The following NFIB variants were observed in gnomAD, a reference collection of about 807,000 sequenced individuals.
The protein encoded by NFIB is nuclear factor 1 B-type.
A neutral mutation model predicts 61.5 loss-of-function variants in NFIB; 11 were observed. The ratio of observed to expected loss-of-function variants is 0.18; its 90% CI spans 0.11 to 0.30. NFIB has a LOEUF of 0.30. Ranked by LOEUF, NFIB falls within the 10% of genes least tolerant of loss-of-function variation. The pLI is 1.00. For synonymous variants in NFIB, 260 were observed against 216.5 expected, an observed-to-expected ratio of 1.20 and a Z score of -1.76; for missense variants, 471 against 608.9, an observed-to-expected ratio of 0.77 and a Z score of 2.38.
intron 2 of NFIB, among the ~76,000 whole-genome samples, chr9:14,248,778 G>C (rs759601044): frequency 6.6e-6 from 1 of 152,168 alleles, no homozygotes; most frequent in Non-Finnish European, 1.5e-5. Context: ...GCCCAGGAAC[G>C]TCTGCAGGGA....
At position 14,233,156 on chromosome 9, in the gene NFIB, G is replaced by T. The variant is rs74995431; in HGVS notation, c.563-53376C>A. 8.1e-3 allele frequency among the ~76,000 whole-genome samples: 1,231 copies of T among 152,266 alleles called. 17 individuals carry two copies. Among genetic ancestry groups the T allele is most frequent in the African/African-American group, 0.027 (1,142 of 41,546 alleles). On this transcript the variant is annotated intron_variant, in intron 2 of 10. Coordinates refer to ENST00000380953, the MANE Select transcript of NFIB (RefSeq NM_001190737.2). ...ACTGCTCTTCAAAAGATCTCTTACA[G>T]ACATGTAGTTTAGCCATAAAGATAG...
chr9:14,117,156 G>C (rs2038265906), intron 8 of NFIB, among the ~76,000 whole-genome samples: 2 of 152,188 alleles, frequency 1.3e-5, no homozygotes, highest in African/African-American at 4.8e-5. Context: ...ATTGTTATTT[G>C]AGTTACTCTT....
At chr9:14,262,731 T>C (rs559549351) in intron 2 of NFIB, among the ~76,000 whole-genome samples, 4 of 152,216 alleles carry the variant, frequency 2.6e-5, no homozygotes, top group Non-Finnish European at 5.9e-5. Context: ...AAAGAAAAGA[T>C]GTTCATACGC....
intron 2 of NFIB, among the ~76,000 whole-genome samples, chr9:14,261,520 C>T (rs1414736814): frequency 6.6e-6 from 1 of 151,960 alleles, no homozygotes; most frequent in Non-Finnish European, 1.5e-5. Flanking sequence ...TGAAAATTAA[C>T]TCACAAAAGG....
At chr9:14,484,569 G>C in the NFIB span, among the ~76,000 whole-genome samples, 1 of 152,138 alleles carries the variant, frequency 6.6e-6, no homozygotes, top group East Asian at 1.9e-4. Flanking sequence ...AATAAATATA[G>C]CAATACAAAC....
At chr9:14,428,679 C>T in the NFIB span, among the ~76,000 whole-genome samples, 1 of 152,302 alleles carries the variant, frequency 6.6e-6, no homozygotes, top group South Asian at 2.1e-4. Flanking sequence ...TTTTCTGCCT[C>T]AAAGCCTTTG....
At chr9:14,439,866 T>A in the NFIB span, among the ~76,000 whole-genome samples, 1 of 152,242 alleles carries the variant, frequency 6.6e-6, no homozygotes, top group Non-Finnish European at 1.5e-5. Context: ...TTTGCCCCAG[T>A]TTTGGGTTGG....
Position 14,176,256 on chromosome 9 carries a change from T to TAA in NFIB, c.616+3469_616+3470dup, listed in dbSNP as rs58705977. Among the ~76,000 whole-genome samples, 14 of 131,450 alleles carry TAA rather than the reference T, an allele frequency of 1.1e-4. No individual in the cohort carries two copies. The South Asian group carries it at 1.5e-3, about 14-fold the overall frequency. 86.2% of individuals were successfully genotyped at this position (131,450 alleles called of 152,430 possible). On this transcript the variant is annotated intron_variant, in intron 3 of 10. Coordinates refer to ENST00000380953, the MANE Select transcript of NFIB (RefSeq NM_001190737.2). ...TATTGCTTAGGAGGGATTAACTTGT[T>TAA]AAAAAAAAAAAAAAAAAAACAAAGA...
At chr9:14,287,426 C>CA (rs1329897623) in intron 2 of NFIB, among the ~76,000 whole-genome samples, 57 of 142,338 alleles carry the variant, frequency 4.0e-4, no homozygotes, top group East Asian at 4.2e-4. Context: ...GAGACTCCGT[C>CA]AAAAAAAAAA....
intron 6 of NFIB, among the ~76,000 whole-genome samples, chr9:14,136,704 T>C (rs1329651919): frequency 6.6e-6 from 1 of 152,190 alleles, no homozygotes; most frequent in Non-Finnish European, 1.5e-5. Context: ...ATCTGGAACT[T>C]ACTTCAAATA....
intron 1 of NFIB, among the ~76,000 whole-genome samples, chr9:14,391,799 A>C (rs2382473): frequency 6.6e-6 from 1 of 152,086 alleles, no homozygotes. Flanking sequence ...GACACTGAGA[A>C]CTCTCAAGTT....
At chr9:14,294,481 C>T (rs1189513513) in intron 2 of NFIB, among the ~76,000 whole-genome samples, 1 of 152,176 alleles carries the variant, frequency 6.6e-6, no homozygotes, top group Admixed American at 6.5e-5. Context: ...ACAGCAATCC[C>T]AGTTTACATA....
the NFIB span, among the ~76,000 whole-genome samples, chr9:14,411,418 G>C: frequency 3.2e-4 from 48 of 152,248 alleles, no homozygotes; most frequent in African/African-American, 1.1e-3. Flanking sequence ...GTGTGGCTCA[G>C]AGTGGCCAAG....
At chr9:14,171,376 G>C (rs1188848585) in intron 3 of NFIB, among the ~76,000 whole-genome samples, 1 of 152,110 alleles carries the variant, frequency 6.6e-6, no homozygotes, top group East Asian at 1.9e-4. Flanking sequence ...CCTGGGAAGG[G>C]GTAGACATCT....
intron 1 of NFIB, among the ~76,000 whole-genome samples, chr9:14,345,595 C>G (rs192592575): frequency 6.6e-6 from 1 of 152,170 alleles, no homozygotes; most frequent in South Asian, 2.1e-4. Context: ...AAATCAGAGC[C>G]GTGCTTCTGC....
At chr9:14,180,861 G>A (rs1363893576) in intron 2 of NFIB, 1 of 152,106 alleles carries the variant, frequency 6.6e-6, no homozygotes, top group East Asian at 1.9e-4. Flanking sequence ...CAGCCTCTTT[G>A]CTTGCCTAGA....
intron 1 of NFIB, among the ~76,000 whole-genome samples, chr9:14,377,622 C>T (rs559764820): frequency 5.1e-4 from 77 of 152,142 alleles, no homozygotes; most frequent in African/African-American, 1.6e-3. Flanking sequence ...TTTTGAAAGA[C>T]GGAGCATTTT....
chr9:14,132,375 T>C (rs575478543), intron 6 of NFIB, among the ~76,000 whole-genome samples: 6 of 152,302 alleles, frequency 3.9e-5, no homozygotes, highest in East Asian at 1.9e-4. Flanking sequence ...CAAGTCACCA[T>C]TTGCTGGCTA....
chr9:14,150,557 T>C (rs955743356), intron 4 of NFIB, among the ~76,000 whole-genome samples: 6 of 152,106 alleles, frequency 3.9e-5, no homozygotes, highest in African/African-American at 1.4e-4. Context: ...TGACATTACA[T>C]CTGTCACTCT....
Sources: gnomAD v4.1 joint callset for allele counts (sites outside exome capture counted in the v4.1 genomes callset) on GRCh38, gnomAD v4.1.1 for gene constraint, MANE v1.5 for transcripts, NCBI Gene and HGNC (gene_info 2026-07-23, HGNC 2026-07-21) for gene names.